The following PPFIBP1 variants were observed in gnomAD, a reference collection of about 807,000 sequenced individuals.
PPFIBP1 encodes the protein PPFIB scaffold protein 1, also known as liprin-beta-1.
PPFIBP1 carries 112 observed loss-of-function variants against 137.8 expected under a neutral mutation model. The observed-to-expected ratio is 0.81, with a 90% CI of 0.70 to 0.95. PPFIBP1 has a LOEUF of 0.95. Among genes scored for constraint, PPFIBP1 ranks in the 40% least tolerant of loss-of-function variants. The pLI, the probability that PPFIBP1 is intolerant of heterozygous loss-of-function variation, is 0.00. For synonymous variants in PPFIBP1, 378 were observed against 417.3 expected (o/e 0.91, Z 1.15); for missense variants, 1,083 against 1,196.6 (o/e 0.91, Z 1.40).
chr12:27,595,870 AC>A (rs2053170021), intron 2 of PPFIBP1, among the ~76,000 whole-genome samples: 2 of 88,636 alleles, frequency 2.3e-5, no homozygotes, highest in African/African-American at 5.8e-5. Context: ...AACAACAACA[AC>A]AACAACAACA....
rs1420037981 is a variant in PPFIBP1, at chr12:27,681,422, C to T, written c.1896-124C>T. 4.5e-6 allele frequency: 5 copies of T among 1,117,596 alleles called. No individual in the cohort carries two copies. In the East Asian group the frequency reaches 9.7e-5, roughly 22 times the overall value. The allele number at this position is 1,117,596 out of a possible 1,614,324, so 69.2% of individuals were successfully genotyped here. A position where few individuals can be genotyped will look rare whatever the true frequency, so the allele number is the denominator to read the frequency against. Reference sequence around the variant, plus strand: ...AATGTATACTAAAAATTAAGCTTTTCATGGTCAAATGTGTATCACCAGGGA... The same window carrying T: ...AATGTATACTAAAAATTAAGCTTTTTATGGTCAAATGTGTATCACCAGGGA... On this transcript the variant is annotated intron_variant, in intron 21 of 29. Coordinates refer to ENST00000228425, the MANE Select transcript of PPFIBP1 (RefSeq NM_003622.4).
intron 5 of PPFIBP1, among the ~76,000 whole-genome samples, chr12:27,647,185 G>C (rs1276993351): frequency 6.6e-6 from 1 of 152,118 alleles, no homozygotes; most frequent in Non-Finnish European, 1.5e-5. Context: ...ATTTTTAGTA[G>C]AGATGGGGTT....
chr12:27,688,078 C>A (rs574923079), intron 25 of PPFIBP1: 131 of 501,928 alleles, frequency 2.6e-4, no homozygotes, highest in African/African-American at 2.4e-3. Context: ...GAGAATTAGA[C>A]CCTGTCTTAA....
chr12:27,540,044 T>C (rs1945475219), intron 1 of PPFIBP1, among the ~76,000 whole-genome samples: 1 of 151,476 alleles, frequency 6.6e-6, no homozygotes, highest in Non-Finnish European at 1.5e-5. Context: ...TGTAAAAATA[T>C]AAAATATAGC....
At position 27,675,347 on chromosome 12, in the gene PPFIBP1, G is replaced by A. The variant is rs143062725; in HGVS notation, c.1411-1081G>A. ...TAAATGATTTTGACGTCATTGTTGA[G>A]CCATGGATGATAATATCACTAAATT... On this transcript the variant is annotated intron_variant, in intron 17 of 29. Coordinates refer to ENST00000228425, the MANE Select transcript of PPFIBP1 (RefSeq NM_003622.4). 9.0e-4 allele frequency among the ~76,000 whole-genome samples: 137 copies of A among 152,262 alleles called. 1 individual carries two copies. The highest frequency in any genetic ancestry group is 1.6e-3 in the Non-Finnish European group (106 of 68,010).
At chr12:27,687,258 A>T in intron 24 of PPFIBP1, 127 bp from the exon 25 acceptor site, 2 of 1,150,428 alleles carry the variant, frequency 1.7e-6, no homozygotes, top group Non-Finnish European at 1.2e-6. Flanking sequence ...GTGGGTTCTG[A>T]CAAGACCTTG....
intron 2 of PPFIBP1, among the ~76,000 whole-genome samples, chr12:27,628,287 C>A (rs2056996416): frequency 6.6e-6 from 1 of 152,138 alleles, no homozygotes; most frequent in African/African-American, 2.4e-5. Flanking sequence ...CTCAAGTGAT[C>A]CACCTCAGCC....
chr12:27,654,782 C>T lies in PPFIBP1; in HGVS notation c.664C>T (p.Leu222Phe). ...AGTTAGTGAAATGGACAGTGAGAGACTTCAGTATGAAAAAAAGCTTAAATC... is the reference window on the plus strand; with the variant it reads ...AGTTAGTGAAATGGACAGTGAGAGATTTCAGTATGAAAAAAAGCTTAAATC... Reference protein sequence around the residue: ...LKVSEMDSERLQYEKKLKSTK... With the variant: ...LKVSEMDSERFQYEKKLKSTK... Residue 222 changes from leucine (L) to phenylalanine (F), a missense_variant, in exon 8 of 30, where the codon CTT (leucine) becomes TTT (phenylalanine). Transcript: ENST00000228425. The T allele has an allele frequency of 6.2e-7, 1 of 1,612,020 alleles. No homozygotes were observed. The highest frequency in any genetic ancestry group is 1.3e-5 in the African/African-American group (1 of 74,942).
At chr12:27,652,702 G>A (rs956665758) in intron 7 of PPFIBP1, among the ~76,000 whole-genome samples, 3 of 151,978 alleles carry the variant, frequency 2.0e-5, no homozygotes, top group East Asian at 1.9e-4. Flanking sequence ...TTCTTTGCAC[G>A]AGCAAAGAAG....
At chr12:27,639,005 G>C (rs1224032127) in intron 4 of PPFIBP1, among the ~76,000 whole-genome samples, 1 of 152,126 alleles carries the variant, frequency 6.6e-6, no homozygotes, top group Non-Finnish European at 1.5e-5. Context: ...AGATCCCCTG[G>C]TTTCTTGTAG....
intron 6 of PPFIBP1, among the ~76,000 whole-genome samples, chr12:27,648,681 A>C (rs7955288): frequency 0.04 from 6,092 of 152,344 alleles, 151 homozygotes; most frequent in South Asian, 0.13. Flanking sequence ...AAAAAGCATG[A>C]GATTCAGTCA....
At chr12:27,559,654 A>G (rs2049000002) in intron 1 of PPFIBP1, among the ~76,000 whole-genome samples, 2 of 152,260 alleles carry the variant, frequency 1.3e-5, no homozygotes, top group South Asian at 4.1e-4. Context: ...CCAATAACAC[A>G]GTACCAAAAC....
In PPFIBP1 at chr12:27,674,431, T is replaced by G. The variant is rs1271846825; in HGVS notation, c.1410+210T>G. Among the ~76,000 whole-genome samples the G allele has an allele frequency of 4.6e-5, 2 of 43,292 alleles. No homozygotes were observed. The highest frequency in any genetic ancestry group is 1.0e-3 in the East Asian group (1 of 972). 28.4% of individuals were successfully genotyped at this position (43,292 alleles called of 152,430 possible). ...TAGAAATAGAATGCAGATCGGTGGT[T>G]ACCAGTGGTAAGAGGTGGGAAAAAT... On this transcript the variant is annotated intron_variant, in intron 17 of 29. Transcript: ENST00000228425.
chr12:27,536,457 C>T (rs1468262580), intron 1 of PPFIBP1, among the ~76,000 whole-genome samples: 1 of 152,162 alleles, frequency 6.6e-6, no homozygotes, highest in African/African-American at 2.4e-5. Context: ...ACCAGCTTGT[C>T]ACACGGTGAG....
chr12:27,642,899 C>T (rs905905279), intron 4 of PPFIBP1, among the ~76,000 whole-genome samples: 6 of 152,000 alleles, frequency 3.9e-5, no homozygotes, highest in Non-Finnish European at 8.8e-5. Context: ...AGAATCAGTT[C>T]TCCCAAGCCT....
chr12:27,588,256 G>A (rs894548033), intron 2 of PPFIBP1, among the ~76,000 whole-genome samples: 14 of 152,204 alleles, frequency 9.2e-5, no homozygotes, highest in African/African-American at 3.1e-4. Context: ...AACTAAGAAT[G>A]CACCTGTGGG....
chr12:27,581,698 G>C (rs1027790462), intron 2 of PPFIBP1, among the ~76,000 whole-genome samples: 2 of 151,990 alleles, frequency 1.3e-5, no homozygotes, highest in African/African-American at 4.8e-5. Flanking sequence ...TATGCAATTT[G>C]TACTAAAAAT....
Position 27,660,928 on chromosome 12 carries a change from G to A in PPFIBP1, c.889G>A (p.Ala297Thr), listed in dbSNP as rs1251900170. ...GAAAAAAGCTGTGGAGTCCTTGATG[G>A]CAGCAAATGAAGAAAAGGTATCCAG... ...KMKKAVESLM[A>T]ANEEKDRKIE... The change falls in exon 11 of 30, where the codon GCA (alanine) becomes ACA (threonine). Residue 297 changes from alanine to threonine, a missense_variant. Coordinates refer to ENST00000228425, the MANE Select transcript of PPFIBP1 (RefSeq NM_003622.4). The A allele has an allele frequency of 8.1e-6, 13 of 1,613,214 alleles. No individual in the cohort carries two copies. The highest frequency in any genetic ancestry group is 1.0e-5 in the Non-Finnish European group (12 of 1,179,666).
intron 2 of PPFIBP1, among the ~76,000 whole-genome samples, chr12:27,591,526 A>G (rs2052517608): frequency 6.6e-6 from 1 of 152,168 alleles, no homozygotes; most frequent in African/African-American, 2.4e-5. Context: ...CTGTGTGGGA[A>G]ATGTTTCAAT....
Sources: gnomAD v4.1 joint callset for allele counts (sites outside exome capture counted in the v4.1 genomes callset) on GRCh38, gnomAD v4.1.1 for gene constraint, MANE v1.5 for transcripts, NCBI Gene and HGNC (gene_info 2026-07-23, HGNC 2026-07-21) for gene names.